NCLN: variants seen among roughly 807,000 people sequenced by gnomAD.
NCLN encodes BOS complex subunit NCLN.
NCLN carries 34 observed loss-of-function variants against 69.5 expected under a neutral mutation model. That is an observed-to-expected ratio of 0.49 (90% confidence interval 0.37 to 0.65). The LOEUF is 0.65. NCLN is among the 30% of genes least tolerant of loss of function. NCLN has a pLI of 0.00. For missense variants in NCLN, 710 were observed against 804.8 expected (o/e 0.88, Z 1.42); for synonymous variants, 393 against 358.3 (o/e 1.10, Z -1.09).
At chr19:3,192,275 G>A (rs1318584207) in intron 1 of NCLN, among the ~76,000 whole-genome samples, 195 bp from the exon 2 acceptor site, 1 of 144,398 alleles carries the variant, frequency 6.9e-6, no homozygotes, top group Non-Finnish European at 1.5e-5. Context: ...GACCCGGCAC[G>A]CGTTCATGGC....
chr19:3,199,928 C>G (rs1441176297), intron 5 of NCLN, among the ~76,000 whole-genome samples: 2 of 152,062 alleles, frequency 1.3e-5, no homozygotes, highest in East Asian at 3.9e-4. Context: ...TCTCGATCTC[C>G]TGACCTCATG....
chr19:3,204,986 C>T (rs1041349795), intron 9 of NCLN, among the ~76,000 whole-genome samples: 1 of 152,192 alleles, frequency 6.6e-6, no homozygotes, highest in Non-Finnish European at 1.5e-5. Flanking sequence ...CCATATAGGA[C>T]CCCCAGACCC....
At chr19:3,192,081 G>T (rs570874058) in intron 1 of NCLN, among the ~76,000 whole-genome samples, 38 of 152,316 alleles carry the variant, frequency 2.5e-4, no homozygotes, top group African/African-American at 8.9e-4. Context: ...CCAGCTACTC[G>T]GGAGGCTGCG....
At chr19:3,202,237 C>T (rs1204915402) in intron 6 of NCLN, among the ~76,000 whole-genome samples, 1 of 152,074 alleles carries the variant, frequency 6.6e-6, no homozygotes, top group Non-Finnish European at 1.5e-5. Context: ...GAGGTGAATC[C>T]CAGGAGCTGG....
chr19:3,204,244 C>G, intron 8 of NCLN, 100 bp downstream of exon 8: 1 of 1,355,246 alleles, frequency 7.4e-7, no homozygotes, highest in Non-Finnish European at 9.7e-7. Context: ...CTGTCCGCCC[C>G]TCAGGCTCTG....
chr19:3,194,211 C>G (rs1915901901), intron 3 of NCLN, among the ~76,000 whole-genome samples: 2 of 152,140 alleles, frequency 1.3e-5, no homozygotes, highest in African/African-American at 4.8e-5. Flanking sequence ...GAAAGCCTGT[C>G]TTTACTAAAA....
chr19:3,198,486 G>T (rs1339217180), intron 4 of NCLN, among the ~76,000 whole-genome samples: 16 of 139,916 alleles, frequency 1.1e-4, no homozygotes, highest in African/African-American at 4.3e-4. Flanking sequence ...CAGCCTGGGC[G>T]ACAGAGTGAG....
chr19:3,206,097 C>T, intron 10 of NCLN, 55 bp from the exon 11 acceptor site: 1 of 1,567,762 alleles, frequency 6.4e-7, no homozygotes, highest in South Asian at 1.2e-5. Flanking sequence ...CCACCCCTGG[C>T]CCCAGCCCCA....
At chr19:3,189,004 C>A (rs889189122) in intron 1 of NCLN, among the ~76,000 whole-genome samples, 1 of 152,244 alleles carries the variant, frequency 6.6e-6, no homozygotes, top group Admixed American at 6.5e-5. Flanking sequence ...CTTTCACCCC[C>A]GGGCCCACTA....
At chr19:3,206,487 T>G in intron 12 of NCLN, 62 bp downstream of exon 12, 1 of 1,488,418 alleles carries the variant, frequency 6.7e-7, no homozygotes, top group Non-Finnish European at 9.0e-7. Flanking sequence ...CTCCCCCTAC[T>G]GCATCTCCCA....
chr19:3,194,590 G>A (rs568310689), intron 3 of NCLN, among the ~76,000 whole-genome samples: 79 of 152,318 alleles, frequency 5.2e-4, no homozygotes, highest in African/African-American at 1.8e-3. Flanking sequence ...CTGCAAAGCC[G>A]AAAGTGTTAT....
intron 5 of NCLN, among the ~76,000 whole-genome samples, chr19:3,199,182 G>T (rs1400251936): frequency 1.3e-5 from 2 of 152,260 alleles, no homozygotes; most frequent in Non-Finnish European, 2.9e-5. Context: ...GGCCAGCGCT[G>T]GGTGCCGTGG....
intron 4 of NCLN, among the ~76,000 whole-genome samples, 153 bp downstream of exon 4, chr19:3,196,430 G>A (rs1030626920): frequency 3.3e-5 from 5 of 152,110 alleles, no homozygotes; most frequent in Non-Finnish European, 4.4e-5. Flanking sequence ...CTGTGGCTCC[G>A]CTGGCAGCTG....
chr19:3,191,926 C>G (rs115361565), intron 1 of NCLN, among the ~76,000 whole-genome samples: 2 of 152,066 alleles, frequency 1.3e-5, no homozygotes, highest in African/African-American at 4.8e-5. Context: ...CGGTGGCTCA[C>G]GCCTGAAATC....
chr19:3,187,883 G>C (rs955038265), intron 1 of NCLN, among the ~76,000 whole-genome samples: 3 of 152,216 alleles, frequency 2.0e-5, no homozygotes, highest in East Asian at 1.9e-4. Context: ...GGATTTTCCC[G>C]GGGGAAGGGT....
At chr19:3,201,378 C>A in intron 5 of NCLN, 145 bp from the exon 6 acceptor site, 1 of 622,964 alleles carries the variant, frequency 1.6e-6, no homozygotes, top group Non-Finnish European at 2.9e-6. Context: ...ACAGAGATGA[C>A]CGTGGCTGCT....
At chr19:3,206,101 A>G in intron 10 of NCLN, 51 bp from the exon 11 acceptor site, 1 of 1,546,404 alleles carries the variant, frequency 6.5e-7, no homozygotes, top group Non-Finnish European at 8.7e-7. Context: ...CCCTGGCCCC[A>G]GCCCCACTGC....
At chr19:3,196,062 G>T (rs1433422035) in intron 3 of NCLN, 121 bp from the exon 4 acceptor site, 2 of 561,342 alleles carry the variant, frequency 3.6e-6, no homozygotes, top group South Asian at 2.6e-5. Context: ...TGCTGGTCAC[G>T]TCCCCACACC....
chr19:3,186,022 C>A lies in NCLN; in HGVS notation c.-9C>A. On this transcript the variant is annotated 5_prime_UTR_variant, in exon 1 of 15. Coordinates refer to ENST00000246117, the MANE Select transcript of NCLN (RefSeq NM_020170.4). ...GCTGCCGCCCCGCGCGGCCCCGCCG[C>A]CGGCCAGGATGCTGGAGGAAGCGGG... 1 of 1,544,286 alleles carries A rather than the reference C, an allele frequency of 6.5e-7. No individual in the cohort carries two copies. Among genetic ancestry groups the A allele is most frequent in the Non-Finnish European group, 8.7e-7 (1 of 1,150,502 alleles).
Sources: allele counts gnomAD v4.1 joint callset (sites outside exome capture counted in the v4.1 genomes callset), GRCh38; gene constraint gnomAD v4.1.1; transcripts MANE v1.5; gene names NCBI Gene and HGNC (gene_info 2026-07-23, HGNC 2026-07-21).